The following UBE2D3 variants were observed in gnomAD, a reference collection of about 807,000 sequenced individuals.
UBE2D3 encodes the protein ubiquitin-conjugating enzyme E2 D3.
In UBE2D3, 2 loss-of-function variants were observed where a neutral mutation model predicts 22.8. The ratio of observed to expected loss-of-function variants is 0.09; its 90% CI spans 0.04 to 0.28. The LOEUF is 0.28. Among genes scored for constraint, UBE2D3 ranks in the 10% least tolerant of loss-of-function variants. The probability of loss-of-function intolerance (pLI) is 1.00; values close to 1 mark genes in which losing one functional copy is unlikely to be tolerated. For synonymous variants in UBE2D3, 56 were observed against 60.4 expected, an observed-to-expected ratio of 0.93 and a Z score of 0.34; for missense variants, 27 against 182.5, an observed-to-expected ratio of 0.15 and a Z score of 4.91.
chr4:102,851,070 A>G (rs1732322971), intron 1 of UBE2D3, among the ~76,000 whole-genome samples: 1 of 152,236 alleles, frequency 6.6e-6, no homozygotes, highest in Admixed American at 6.5e-5. Context: ...CCTGTTCCCC[A>G]CAAACTATTG....
chr4:102,825,743 T>G lies in UBE2D3; in HGVS notation c.24+742A>C, dbSNP rs773972008. 44 of 494,184 alleles carry G rather than the reference T, an allele frequency of 8.9e-5. 1 individual carries two copies. Among genetic ancestry groups the G allele is most frequent in the South Asian group, 6.6e-4 (43 of 65,282 alleles). 30.6% of individuals were successfully genotyped at this position (494,184 alleles called of 1,614,324 possible). A position where few individuals can be genotyped will look rare whatever the true frequency, so the allele number is the denominator to read the frequency against. ...GTACATTAGCTTTCCCTTACTGCCA[T>G]CGCACCCCTTATCCACCCCCACTCT... On this transcript the variant is annotated intron_variant, in intron 2 of 7. Transcript: ENST00000453744.
intron 2 of UBE2D3, chr4:102,819,560 T>TTTAA (rs1325608135): frequency 4.8e-5 from 47 of 985,334 alleles, no homozygotes; most frequent in Non-Finnish European, 7.2e-6. Context: ...AAAACAAGGT[T>TTTAA]TTAAGTGTCA....
chr4:102,809,266 AT>A (rs1375122015), intron 4 of UBE2D3: 1 of 256,542 alleles, frequency 3.9e-6, no homozygotes, highest in Non-Finnish European at 8.3e-6. Flanking sequence ...AAATATCAAA[AT>A]ACAATTAAGC....
upstream of UBE2D3, chr4:102,827,926 G>A (rs967955431): frequency 2.0e-6 from 2 of 985,530 alleles, no homozygotes; most frequent in South Asian, 4.7e-5. Context: ...TCCCCACAGC[G>A]TCCCCCAGTT....
At chr4:102,820,515 G>A (rs1729437457) in intron 2 of UBE2D3, among the ~76,000 whole-genome samples, 1 of 152,128 alleles carries the variant, frequency 6.6e-6, no homozygotes, top group Non-Finnish European at 1.5e-5. Context: ...GTAATTATAG[G>A]TGAAACAAGC....
intron 1 of UBE2D3, among the ~76,000 whole-genome samples, chr4:102,853,008 G>A (rs1479402594): frequency 6.6e-6 from 1 of 151,920 alleles, no homozygotes; most frequent in Non-Finnish European, 1.5e-5. Context: ...CTGCTTATTA[G>A]TCCCAAATCC....
At chr4:102,802,659 T>G in intron 4 of UBE2D3, 21 bp from the exon 5 acceptor site, 1 of 1,547,234 alleles carries the variant, frequency 6.5e-7, no homozygotes, top group Non-Finnish European at 8.8e-7. Context: ...AAAAGTATGC[T>G]TAACTCAAAT....
intron 1 of UBE2D3, among the ~76,000 whole-genome samples, chr4:102,860,803 C>G (rs939371211): frequency 8.6e-5 from 13 of 151,814 alleles, no homozygotes; most frequent in African/African-American, 2.4e-4. Context: ...ACACTATCTG[C>G]AGGGGAGGTT....
In UBE2D3 at chr4:102,802,633, G is replaced by A; in HGVS notation, c.126C>T (p.Asp42=). The change falls in exon 5 of 8, where the codon GAC becomes GAT. Residue 42 remains aspartate (D), a synonymous_variant. Transcript: ENST00000453744. The part of the protein sequence containing the change: ...HWQATIMGPN[D]SPYQGGVFFL... ...AGAATACACCGCCTTGATATGGGCT[G>A]TCATTCTGTAAAAAGAAAAGTATGC... is the stretch of plus-strand genomic sequence containing the variant. 1 of 1,589,756 alleles carries A rather than the reference G, an allele frequency of 6.3e-7. No homozygotes were observed.
chr4:102,853,842 A>G (rs963618779), intron 1 of UBE2D3, among the ~76,000 whole-genome samples: 5 of 152,142 alleles, frequency 3.3e-5, no homozygotes, highest in Admixed American at 6.5e-5. Flanking sequence ...GCCTACTGTG[A>G]GTTTTATGAT....
intron 2 of UBE2D3, chr4:102,810,338 G>A (rs559486117): frequency 7.4e-6 from 1 of 134,860 alleles, no homozygotes; most frequent in East Asian, 2.2e-4. Flanking sequence ...TACCTTTTTT[G>A]TTTTCTAATC....
Position 102,795,700 on chromosome 4 carries a change from T to C in UBE2D3, c.*1715A>G, listed in dbSNP as rs1390342263. On this transcript the variant is annotated 3_prime_UTR_variant, in exon 8 of 8. Transcript: ENST00000453744. ...TCCAAACTACATATTAAAATGTTTA[T>C]AAAAAGTAAGTTTTAACATTTATTT... 2 of 152,104 alleles carry C rather than the reference T, an allele frequency of 1.3e-5. No homozygotes were observed. The highest frequency in any genetic ancestry group is 2.4e-5 in the African/African-American group (1 of 41,440). The allele number at this position is 152,104 out of a possible 1,614,324, so 9.4% of individuals were successfully genotyped here. A position where few individuals can be genotyped will look rare whatever the true frequency, so the allele number is the denominator to read the frequency against.
rs543188544 is a variant in UBE2D3 at position 102,863,518 on chromosome 4, A to T, written c.-129+5197T>A. Among the ~76,000 whole-genome samples the T allele has an allele frequency of 8.5e-5, 13 of 152,144 alleles. No individual in the cohort carries two copies. In the South Asian group the frequency reaches 2.7e-3, roughly 32 times the overall value. On this transcript the variant is annotated intron_variant, in intron 1 of 7. Coordinates refer to the UBE2D3 transcript ENST00000338145. The stretch of plus-strand genomic sequence containing the variant: ...ATCAAATTTCTTTTTCTTTTTTGAG[A>T]CAGTCTCACTCTGTGACCCAGGCTG...
rs1732653666 is a variant in UBE2D3 at position 102,857,026 on chromosome 4, G to A, written c.-129+11689C>T. 2.6e-5 allele frequency among the ~76,000 whole-genome samples: 4 copies of A among 152,136 alleles called. 1 individual carries two copies. In the South Asian group the frequency reaches 8.3e-4, roughly 31 times the overall value. On this transcript the variant is annotated intron_variant, in intron 1 of 7. Transcript: ENST00000338145. The stretch of plus-strand genomic sequence containing the variant: ...AATTGATAGAACTATACAGCACAGA[G>A]TGACCCCTAATGTTAACTATGGATT...
intron 1 of UBE2D3, among the ~76,000 whole-genome samples, chr4:102,859,580 G>A (rs1560894626): frequency 1.3e-5 from 2 of 151,708 alleles, no homozygotes; most frequent in African/African-American, 2.4e-5. Context: ...CCCAGATTTG[G>A]GCAGTTTTCT....
At chr4:102,826,720 T>A (rs1167091108) in intron 1 of UBE2D3, 84 bp from the exon 2 acceptor site, 1 of 1,428,498 alleles carries the variant, frequency 7.0e-7, no homozygotes, top group African/African-American at 1.5e-5. Flanking sequence ...ACAGCCGCGA[T>A]CCGGGGTGGG....
chr4:102,827,064 G>C (rs1000435573), intron 1 of UBE2D3: 7 of 990,118 alleles, frequency 7.1e-6, no homozygotes, highest in Non-Finnish European at 8.4e-6. Flanking sequence ...CCGGGAAAAG[G>C]AAGGAAATAA....
upstream of UBE2D3, chr4:102,827,990 C>G: frequency 1.0e-6 from 1 of 985,490 alleles, no homozygotes; most frequent in Non-Finnish European, 1.2e-6. Context: ...GGCTGGCTAA[C>G]CGAAGCGGTA....
intron 2 of UBE2D3, chr4:102,819,484 AACTTTCTTTC>A (rs1395895363): frequency 1.2e-6 from 1 of 856,996 alleles, no homozygotes; most frequent in Non-Finnish European, 1.4e-6. Flanking sequence ...ACATTCGGTT[AACTTTCTTTC>A]AATGACAGCC....
Sources: gnomAD v4.1 joint callset for allele counts (sites outside exome capture counted in the v4.1 genomes callset) on GRCh38, gnomAD v4.1.1 for gene constraint, MANE v1.5 for transcripts, NCBI Gene and HGNC (gene_info 2026-07-23, HGNC 2026-07-21) for gene names.